The following CCDC149 variants were observed in gnomAD, a reference collection of about 807,000 sequenced individuals.
The protein encoded by CCDC149 is coiled-coil domain-containing protein 149.
Under a neutral mutation model 59.9 loss-of-function variants are expected in CCDC149, and 45 were observed. The ratio of observed to expected loss-of-function variants is 0.75; its 90% CI spans 0.59 to 0.96. CCDC149 has a LOEUF of 0.96. Ranked by LOEUF, CCDC149 falls within the 40% of genes least tolerant of loss-of-function variation. CCDC149 has a pLI of 0.00. For synonymous variants in CCDC149, 245 were observed against 260.6 expected, an observed-to-expected ratio of 0.94 and a Z score of 0.58; for missense variants, 584 against 664.7, an observed-to-expected ratio of 0.88 and a Z score of 1.33.
In CCDC149 at chr4:24,876,225, G is replaced by A. The variant is rs189817023; in HGVS notation, c.225+311C>T. 1.6e-4 allele frequency among the ~76,000 whole-genome samples: 24 copies of A among 151,564 alleles called. No individual in the cohort carries two copies. In the East Asian group the frequency reaches 4.5e-3, roughly 28 times the overall value. On this transcript the variant is annotated intron_variant, in intron 2 of 12. Coordinates refer to ENST00000635206, the MANE Select transcript of CCDC149 (RefSeq NM_001330643.2). ...AACTTGTCTCCCTTGGATAAGCCAG[G>A]AGCCTACTGCAAACACACATGAATA...
intron 1 of CCDC149, among the ~76,000 whole-genome samples, chr4:24,934,009 C>T (rs901550777): frequency 1.3e-5 from 2 of 152,204 alleles, no homozygotes; most frequent in Non-Finnish European, 2.9e-5. Context: ...CTGTCACCCT[C>T]CATGGTGTCA....
Position 24,846,436 on chromosome 4 carries a change from G to A in CCDC149, c.372+6636C>T, listed in dbSNP as rs551824513. Among the ~76,000 whole-genome samples, 8 of 152,278 alleles carry A rather than the reference G, an allele frequency of 5.3e-5. No homozygotes were observed. In the East Asian group the frequency reaches 1.4e-3, roughly 26 times the overall value. Reference sequence around the variant, plus strand: ...CTCTGCTCCTTTTGAAGCATAAAGTGAAACAGCTTCCAAAGAGCTCTCTGA... The same window carrying A: ...CTCTGCTCCTTTTGAAGCATAAAGTAAAACAGCTTCCAAAGAGCTCTCTGA... On this transcript the variant is annotated intron_variant, in intron 4 of 12. Transcript: ENST00000635206.
chr4:24,833,886 A>C (rs1716328964), intron 8 of CCDC149, among the ~76,000 whole-genome samples: 1 of 152,190 alleles, frequency 6.6e-6, no homozygotes, highest in African/African-American at 2.4e-5. Context: ...TGTTGATAGA[A>C]TGCTTTTCAT....
At chr4:24,883,313 G>C (rs564060798) in intron 1 of CCDC149, among the ~76,000 whole-genome samples, 1 of 151,898 alleles carries the variant, frequency 6.6e-6, no homozygotes, top group South Asian at 2.1e-4. Context: ...AAGTCTATAG[G>C]AATAAACACA....
At chr4:24,977,241 T>C (rs779617323) in intron 1 of CCDC149, among the ~76,000 whole-genome samples, 2 of 151,926 alleles carry the variant, frequency 1.3e-5, no homozygotes, top group Non-Finnish European at 2.9e-5. Flanking sequence ...GGCTGGAGCT[T>C]TGGGAAAGAG....
At chr4:24,872,973 C>A (rs1036069966) in intron 3 of CCDC149, among the ~76,000 whole-genome samples, 2 of 79,794 alleles carry the variant, frequency 2.5e-5, no homozygotes, top group African/African-American at 7.8e-5. Flanking sequence ...GGTATGCACC[C>A]GCAGAATGGT....
intron 4 of CCDC149, among the ~76,000 whole-genome samples, chr4:24,847,496 C>T (rs115544266): frequency 1.3e-3 from 196 of 152,318 alleles, no homozygotes; most frequent in African/African-American, 4.5e-3. Flanking sequence ...GGAGCTAGTA[C>T]CCTGTCTTTC....
intron 3 of CCDC149, among the ~76,000 whole-genome samples, chr4:24,867,818 A>G (rs1271052839): frequency 6.6e-6 from 1 of 152,266 alleles, no homozygotes. Flanking sequence ...CTTCTGAAAC[A>G]AACAGGAGAA....
intron 1 of CCDC149, among the ~76,000 whole-genome samples, chr4:24,892,958 T>C (rs1051913962): frequency 1.3e-5 from 2 of 152,154 alleles, no homozygotes; most frequent in Non-Finnish European, 2.9e-5. Context: ...CCATAGTGAG[T>C]AAGCACTCCA....
intron 5 of CCDC149, 81 bp downstream of exon 5, chr4:24,838,075 G>A (rs968171135): frequency 4.3e-5 from 47 of 1,105,802 alleles, no homozygotes; most frequent in Middle Eastern, 2.0e-4. Flanking sequence ...TCTGAGAAAC[G>A]AGGGGCACAG....
At chr4:24,903,080 T>G (rs1273888289) in intron 1 of CCDC149, among the ~76,000 whole-genome samples, 2 of 147,606 alleles carry the variant, frequency 1.4e-5, no homozygotes, top group Non-Finnish European at 3.0e-5. Context: ...ACAGCCTATC[T>G]TCCCACCTTG....
intron 1 of CCDC149, among the ~76,000 whole-genome samples, chr4:24,965,481 G>A (rs979392844): frequency 1.4e-5 from 2 of 143,812 alleles, no homozygotes; most frequent in South Asian, 2.1e-4. Context: ...TGAAGTTAAC[G>A]ACAGAAAAAT....
intron 1 of CCDC149, among the ~76,000 whole-genome samples, chr4:24,924,091 T>C (rs1722371728): frequency 6.6e-6 from 1 of 152,086 alleles, no homozygotes; most frequent in Non-Finnish European, 1.5e-5. Context: ...ATTCCATTAG[T>C]GAGAACAGAC....
chr4:24,973,076 CTTAAT>C (rs1293717603), intron 1 of CCDC149, among the ~76,000 whole-genome samples: 1 of 152,186 alleles, frequency 6.6e-6, no homozygotes, highest in African/African-American at 2.4e-5. Context: ...TAGATAATAA[CTTAAT>C]TCTTTTAATC....
chr4:24,852,255 TTCCCCAAGAACTGC>T (rs1717704995), intron 4 of CCDC149, among the ~76,000 whole-genome samples: 1 of 145,532 alleles, frequency 6.9e-6, no homozygotes, highest in South Asian at 2.2e-4. Flanking sequence ...CTAAAAACAT[TTCCCCAAGAACTGC>T]TCCCCTCCAA....
At chr4:24,882,368 G>C (rs1426375491) in intron 1 of CCDC149, among the ~76,000 whole-genome samples, 1 of 152,178 alleles carries the variant, frequency 6.6e-6, no homozygotes, top group East Asian at 1.9e-4. Flanking sequence ...ATCGCAACAG[G>C]AGTTTTCTGT....
intron 1 of CCDC149, among the ~76,000 whole-genome samples, chr4:24,899,337 G>C (rs1721026319): frequency 6.6e-6 from 1 of 152,308 alleles, no homozygotes; most frequent in East Asian, 1.9e-4. Flanking sequence ...AAGAGAGATA[G>C]GAAAGTGTAT....
intron 4 of CCDC149, 104 bp from the exon 5 acceptor site, chr4:24,838,376 A>C (rs1305142420): frequency 1.3e-6 from 1 of 784,464 alleles, no homozygotes; most frequent in Admixed American, 2.1e-5. Context: ...GATACTTTCA[A>C]GAAATACTGG....
intron 4 of CCDC149, among the ~76,000 whole-genome samples, chr4:24,850,142 T>G (rs1286278136): frequency 6.6e-6 from 1 of 152,266 alleles, no homozygotes; most frequent in African/African-American, 2.4e-5. Flanking sequence ...TTTTTTTCTT[T>G]TTCTCTTACT....
Sources: allele counts gnomAD v4.1 joint callset (sites outside exome capture counted in the v4.1 genomes callset), GRCh38; gene constraint gnomAD v4.1.1; transcripts MANE v1.5; gene names NCBI Gene and HGNC (gene_info 2026-07-23, HGNC 2026-07-21).